Variants in MMP16 observed in about 807,000 individuals in gnomAD.
The protein encoded by MMP16 is matrix metallopeptidase 16.
A neutral mutation model predicts 67.8 loss-of-function variants in MMP16; 12 were observed. That is an observed-to-expected ratio of 0.18 (90% CI 0.11 to 0.29). The LOEUF is 0.29. Ranked by LOEUF, MMP16 falls within the 10% of genes least tolerant of loss-of-function variation. The pLI, the probability that MMP16 is intolerant of heterozygous loss-of-function variation, is 1.00. For missense variants in MMP16, 475 were observed against 765.7 expected, an observed-to-expected ratio of 0.62 and a Z score of 4.48; for synonymous variants, 249 against 255.9, an observed-to-expected ratio of 0.97 and a Z score of 0.26.
chr8:88,304,245 G>T (rs1394375109), intron 1 of MMP16, among the ~76,000 whole-genome samples: 3 of 152,036 alleles, frequency 2.0e-5, no homozygotes, highest in Admixed American at 2.0e-4. Flanking sequence ...CAAGAAGAGA[G>T]AAAAAAGAAT....
chr8:88,253,438 G>C (rs1165711570), intron 1 of MMP16, among the ~76,000 whole-genome samples: 1 of 152,094 alleles, frequency 6.6e-6, no homozygotes, highest in Non-Finnish European at 1.5e-5. Context: ...ACAGTGATAA[G>C]TCATGTTAAC....
chr8:88,149,650 G>A (rs1470448473), intron 4 of MMP16, among the ~76,000 whole-genome samples: 1 of 151,238 alleles, frequency 6.6e-6, no homozygotes, highest in Admixed American at 6.6e-5. Flanking sequence ...AGCTGAGGGT[G>A]CTGTCTGTTA....
intron 8 of MMP16, among the ~76,000 whole-genome samples, chr8:88,053,865 A>G (rs963777135): frequency 3.3e-5 from 5 of 152,160 alleles, no homozygotes; most frequent in African/African-American, 1.2e-4. Context: ...AACCTATAAA[A>G]CCATAGTCAT....
chr8:88,185,731 C>A (rs762552937), intron 3 of MMP16, among the ~76,000 whole-genome samples: 1 of 152,026 alleles, frequency 6.6e-6, no homozygotes. Flanking sequence ...TATTTTAGGG[C>A]GATCTCATCT....
chr8:88,267,306 T>C (rs2129964020), intron 1 of MMP16, among the ~76,000 whole-genome samples: 1 of 152,308 alleles, frequency 6.6e-6, no homozygotes, highest in East Asian at 1.9e-4. Flanking sequence ...CCAAGACACA[T>C]CACAGCTAGT....
intron 1 of MMP16, among the ~76,000 whole-genome samples, chr8:88,233,020 AC>A (rs961319803): frequency 2.6e-5 from 4 of 152,110 alleles, no homozygotes; most frequent in Non-Finnish European, 4.4e-5. Context: ...TTATTATAAC[AC>A]CTGTGTGACT....
intron 1 of MMP16, among the ~76,000 whole-genome samples, chr8:88,278,891 A>C (rs1285487969): frequency 6.6e-6 from 1 of 152,162 alleles, no homozygotes; most frequent in African/African-American, 2.4e-5. Context: ...TTAAAGAAGT[A>C]GAGTAGCTCC....
intron 7 of MMP16, among the ~76,000 whole-genome samples, chr8:88,072,145 G>A (rs910460021): frequency 6.6e-6 from 1 of 152,122 alleles, no homozygotes; most frequent in African/African-American, 2.4e-5. Context: ...GGGTGACCAC[G>A]TGGGATGAGG....
intron 6 of MMP16, among the ~76,000 whole-genome samples, chr8:88,104,559 C>T (rs956189213): frequency 1.3e-5 from 2 of 151,550 alleles, no homozygotes; most frequent in Non-Finnish European, 3.0e-5. Context: ...AAACCTATTG[C>T]GCTGCCAGTC....
At chr8:88,213,015 T>C (rs1458672789) in intron 1 of MMP16, among the ~76,000 whole-genome samples, 1 of 152,144 alleles carries the variant, frequency 6.6e-6, no homozygotes, top group Non-Finnish European at 1.5e-5. Flanking sequence ...TTAGTAAATA[T>C]GAAAATTGAG....
intron 6 of MMP16, among the ~76,000 whole-genome samples, chr8:88,105,103 A>G (rs1340760651): frequency 6.6e-6 from 1 of 151,060 alleles, no homozygotes; most frequent in Non-Finnish European, 1.5e-5. Flanking sequence ...GGCTCCACTC[A>G]TGGCAAGTGC....
rs1028693525 is a variant in MMP16 at position 88,035,618 on chromosome 8, C to T, written c.*5843G>A. The T allele has an allele frequency of 2.6e-5, 4 of 151,930 alleles. No homozygotes were observed. The highest frequency in any genetic ancestry group is 6.6e-5 in the Admixed American group (1 of 15,228). 9.4% of individuals were successfully genotyped at this position (151,930 alleles called of 1,614,324 possible). On this transcript the variant is annotated 3_prime_UTR_variant, in exon 10 of 10. Coordinates refer to ENST00000286614, the MANE Select transcript of MMP16 (RefSeq NM_005941.5). The surrounding 1 kb of genome is among the most constrained non-coding windows in gnomAD (Gnocchi z 4.7). Reference sequence around the variant, plus strand: ...CGTTATAACACTAAGCTTCTGTGATCTTATATCCTTACTTAGTATAAATAA... The same window carrying T: ...CGTTATAACACTAAGCTTCTGTGATTTTATATCCTTACTTAGTATAAATAA...
rs1808753046 is a variant in MMP16, at chr8:88,168,634, A to G, written c.405-661T>C. The stretch of plus-strand genomic sequence containing the variant: ...CTGATGCTAATAACAAACACATTAA[A>G]TCACTATAAATATTGTACTTGATTC... On this transcript the variant is annotated intron_variant, in intron 3 of 9. Coordinates refer to ENST00000286614, the MANE Select transcript of MMP16 (RefSeq NM_005941.5). Among the ~76,000 whole-genome samples the G allele has an allele frequency of 2.0e-5, 3 of 152,304 alleles. No individual in the cohort carries two copies. The South Asian group carries it at 6.2e-4, about 32-fold the overall frequency.
At chr8:88,237,566 G>A (rs920016367) in intron 1 of MMP16, among the ~76,000 whole-genome samples, 15 of 151,726 alleles carry the variant, frequency 9.9e-5, no homozygotes, top group Admixed American at 2.6e-4. Context: ...GGAGAATGGC[G>A]GGAACCCGGG....
chr8:88,073,871 TCTC>T (rs1206221776), intron 7 of MMP16, among the ~76,000 whole-genome samples: 1 of 152,142 alleles, frequency 6.6e-6, no homozygotes, highest in East Asian at 1.9e-4. Context: ...ACACTCTAGT[TCTC>T]CTCAGCTTCA....
chr8:88,256,527 T>C (rs1372592138), intron 1 of MMP16, among the ~76,000 whole-genome samples: 1 of 152,136 alleles, frequency 6.6e-6, no homozygotes, highest in African/African-American at 2.4e-5. Flanking sequence ...ACATTCAGAA[T>C]TCAATAAACT....
At chr8:88,230,595 C>A in intron 1 of MMP16, among the ~76,000 whole-genome samples, 2 of 150,824 alleles carry the variant, frequency 1.3e-5, no homozygotes, top group Admixed American at 6.6e-5. Context: ...ATAAGTCTCC[C>A]CATACTATAT....
intron 1 of MMP16, among the ~76,000 whole-genome samples, chr8:88,294,254 A>G (rs10955556): frequency 0.64 from 96,214 of 149,748 alleles, 32,716 homozygotes; most frequent in East Asian, 0.88. Flanking sequence ...ACACATATAT[A>G]GACATGTGTG....
At chr8:88,096,286 T>C (rs971534074) in intron 6 of MMP16, among the ~76,000 whole-genome samples, 1 of 151,970 alleles carries the variant, frequency 6.6e-6, no homozygotes, top group Non-Finnish European at 1.5e-5. Flanking sequence ...ATGGAAGATA[T>C]ATTTTAAAAC....
Sources: allele counts gnomAD v4.1 joint callset (sites outside exome capture counted in the v4.1 genomes callset), GRCh38; gene constraint gnomAD v4.1.1; non-coding constraint Gnocchi (gnomAD v3.1); transcripts MANE v1.5; gene names NCBI Gene and HGNC (gene_info 2026-07-23, HGNC 2026-07-21).